ARAP2: variants seen among roughly 807,000 people sequenced by gnomAD.
ARAP2 encodes the protein ArfGAP with RhoGAP domain, ankyrin repeat and PH domain 2, also known as arf-GAP with Rho-GAP domain, ANK repeat and PH domain-containing protein 2.
A neutral mutation model predicts 194.5 loss-of-function variants in ARAP2; 148 were observed. The ratio of observed to expected loss-of-function variants is 0.76; its 90% CI spans 0.67 to 0.87. ARAP2 has a LOEUF of 0.87. ARAP2 is among the 40% of genes least tolerant of loss of function. The probability of loss-of-function intolerance (pLI) is 0.00; values close to 1 mark genes in which losing one functional copy is unlikely to be tolerated. For missense variants in ARAP2, 2,128 were observed against 1,989.7 expected, an observed-to-expected ratio of 1.07 and a Z score of -1.32; for synonymous variants, 695 against 683.5, an observed-to-expected ratio of 1.02 and a Z score of -0.26.
chr4:36,037,357 G>A (rs1020798749), intron 5 of ARAP2, among the ~76,000 whole-genome samples: 11 of 152,056 alleles, frequency 7.2e-5, no homozygotes, highest in Non-Finnish European at 1.6e-4. Flanking sequence ...ACTTTGGCAG[G>A]ACCTGTACTT....
chr4:36,203,487 G>A (rs1744879982), intron 6 of ARAP2, among the ~76,000 whole-genome samples: 1 of 152,164 alleles, frequency 6.6e-6, no homozygotes, highest in Non-Finnish European at 1.5e-5. Context: ...AGGAGGCTGA[G>A]GCAGGAGAAT....
intron 8 of ARAP2, among the ~76,000 whole-genome samples, chr4:36,181,861 T>C (rs1177162279): frequency 6.6e-6 from 1 of 152,126 alleles, no homozygotes; most frequent in Admixed American, 6.5e-5. Context: ...TTGGGTACCT[T>C]AAACACAAGA....
At chr4:36,029,640 G>T (rs959049205) in intron 5 of ARAP2, among the ~76,000 whole-genome samples, 15 of 151,846 alleles carry the variant, frequency 9.9e-5, no homozygotes, top group African/African-American at 3.6e-4. Context: ...TCTTAACTGG[G>T]TATAATATTT....
intron 28 of ARAP2, among the ~76,000 whole-genome samples, chr4:36,091,374 A>G (rs902376371): frequency 3.9e-5 from 6 of 152,174 alleles, no homozygotes; most frequent in Admixed American, 2.6e-4. Flanking sequence ...ACAATTATTT[A>G]ATAAGATCTT....
chr4:36,206,545 A>C (rs1745573393), intron 6 of ARAP2, among the ~76,000 whole-genome samples: 1 of 152,222 alleles, frequency 6.6e-6, no homozygotes, highest in African/African-American at 2.4e-5. Context: ...TCCGTTTTGC[A>C]AAGGGCAATT....
chr4:36,175,594 T>A (rs975095251), intron 9 of ARAP2, among the ~76,000 whole-genome samples: 4 of 151,832 alleles, frequency 2.6e-5, no homozygotes, highest in East Asian at 1.9e-4. Context: ...TAATGCAATT[T>A]AAAAAAAACA....
intron 31 of ARAP2, 159 bp from the exon 32 acceptor site, chr4:36,073,982 C>T (rs1256551047): frequency 2.2e-5 from 20 of 926,836 alleles, no homozygotes; most frequent in East Asian, 1.5e-4. Flanking sequence ...GTGGCAGCAT[C>T]GCTCCAGGAC....
intron 28 of ARAP2, among the ~76,000 whole-genome samples, chr4:36,089,096 G>GTTC (rs1712786464): frequency 6.6e-6 from 1 of 152,060 alleles, no homozygotes; most frequent in African/African-American, 2.4e-5. Context: ...TATCTAGAAA[G>GTTC]TACCCCACTG....
intron 9 of ARAP2, among the ~76,000 whole-genome samples, chr4:36,008,823 C>T (rs545932176): frequency 1.1e-4 from 16 of 152,120 alleles, no homozygotes; most frequent in African/African-American, 3.6e-4. Context: ...TATCCAGAAT[C>T]TATAAGAAAC....
At chr4:36,118,606 C>T (rs1241847872) in intron 24 of ARAP2, among the ~76,000 whole-genome samples, 1 of 151,270 alleles carries the variant, frequency 6.6e-6, no homozygotes, top group African/African-American at 2.4e-5. Context: ...GATACTCAAA[C>T]TTTTTTAATA....
At chr4:36,188,633 A>C (rs528550851) in intron 7 of ARAP2, among the ~76,000 whole-genome samples, 4 of 152,204 alleles carry the variant, frequency 2.6e-5, no homozygotes, top group African/African-American at 9.6e-5. Flanking sequence ...CCAAGGACAC[A>C]TTATAGAAGG....
intron 8 of ARAP2, among the ~76,000 whole-genome samples, chr4:36,180,911 C>T (rs1016097133): frequency 1.4e-4 from 21 of 152,278 alleles, no homozygotes; most frequent in African/African-American, 3.1e-4. Flanking sequence ...AAAGGAACAA[C>T]GGAACAGATA....
chr4:36,171,675 A>T (rs77309180), intron 9 of ARAP2, among the ~76,000 whole-genome samples: 21 of 146,976 alleles, frequency 1.4e-4, no homozygotes, highest in African/African-American at 3.2e-4. Context: ...TATAATAATT[A>T]AAAAAAAAAT....
chr4:36,179,885 A>T (rs912696012), intron 8 of ARAP2, among the ~76,000 whole-genome samples: 4 of 152,252 alleles, frequency 2.6e-5, no homozygotes, highest in African/African-American at 7.2e-5. Flanking sequence ...TAATAAAAAC[A>T]GTTGATTGTG....
intron 2 of ARAP2, among the ~76,000 whole-genome samples, chr4:36,226,391 C>G (rs1750310813): frequency 1.3e-5 from 2 of 152,186 alleles, no homozygotes; most frequent in Middle Eastern, 3.4e-3. Context: ...GATCTTCCAG[C>G]CTCCTTAAAA....
chr4:36,171,714 G>A (rs112768957), intron 9 of ARAP2, among the ~76,000 whole-genome samples: 39 of 151,986 alleles, frequency 2.6e-4, no homozygotes, highest in African/African-American at 9.2e-4. Flanking sequence ...CATGCAGTAA[G>A]TACTACACAG....
At chr4:36,194,619 G>A (rs1037059776) in intron 6 of ARAP2, among the ~76,000 whole-genome samples, 3 of 152,122 alleles carry the variant, frequency 2.0e-5, no homozygotes, top group Non-Finnish European at 4.4e-5. Context: ...GCTTGTCTCT[G>A]GGCTGGTTCC....
At chr4:36,210,188 C>A (rs1453080375) in intron 6 of ARAP2, among the ~76,000 whole-genome samples, 3 of 152,118 alleles carry the variant, frequency 2.0e-5, no homozygotes, top group Non-Finnish European at 4.4e-5. Context: ...GACCTTAATG[C>A]AGCATTGCAT....
chr4:36,076,015 A>G (rs2109326849), intron 31 of ARAP2, among the ~76,000 whole-genome samples: 1 of 152,282 alleles, frequency 6.6e-6, no homozygotes, highest in East Asian at 1.9e-4. Context: ...ATTCAATCCA[A>G]CAATTATTAC....
Sources: allele counts gnomAD v4.1 joint callset (sites outside exome capture counted in the v4.1 genomes callset), GRCh38; gene constraint gnomAD v4.1.1; transcripts MANE v1.5; gene names NCBI Gene and HGNC (gene_info 2026-07-23, HGNC 2026-07-21).